The following PCNX2 variants were observed in gnomAD, a reference collection of about 807,000 sequenced individuals.
The protein encoded by PCNX2 is pecanex-like protein 2.
Under a neutral mutation model 223.8 loss-of-function variants are expected in PCNX2, and 168 were observed. The observed-to-expected ratio is 0.75, with a 90% CI of 0.66 to 0.85. PCNX2 has a LOEUF of 0.85. PCNX2 is among the 40% of genes least tolerant of loss of function. PCNX2 has a pLI of 0.00. For synonymous variants in PCNX2, 1,006 were observed against 1,052.6 expected (o/e 0.96, Z 0.86); for missense variants, 2,507 against 2,675.5 (o/e 0.94, Z 1.39).
chr1:233,043,266 A>G (rs1224592887), intron 25 of PCNX2, among the ~76,000 whole-genome samples: 1 of 152,126 alleles, frequency 6.6e-6, no homozygotes, highest in Non-Finnish European at 1.5e-5. Flanking sequence ...TCACTTTCCC[A>G]TCTTTCTGTA....
At chr1:233,091,707 T>C (rs2102941473) in intron 22 of PCNX2, among the ~76,000 whole-genome samples, 1 of 138,184 alleles carries the variant, frequency 7.2e-6, no homozygotes, top group Non-Finnish European at 1.5e-5. Context: ...CACTCCAGCC[T>C]GGGCAACAGA....
At chr1:233,268,319 T>G (rs11581907) in intron 1 of PCNX2, among the ~76,000 whole-genome samples, 13,547 of 152,250 alleles carry the variant, frequency 0.089, 723 homozygotes, top group South Asian at 0.17. Flanking sequence ...CTCCCATCTT[T>G]TGAATGGCCT....
chr1:233,064,798 A>C (rs1672530865), intron 23 of PCNX2, among the ~76,000 whole-genome samples: 1 of 152,160 alleles, frequency 6.6e-6, no homozygotes, highest in African/African-American at 2.4e-5. Flanking sequence ...GAGATTATCT[A>C]GTCTGCTACA....
chr1:233,019,403 G>C (rs1670796069), intron 26 of PCNX2, among the ~76,000 whole-genome samples: 1 of 152,118 alleles, frequency 6.6e-6, no homozygotes, highest in Non-Finnish European at 1.5e-5. Context: ...AAAGCCCTTC[G>C]ATATAAGGAG....
chr1:233,057,347 G>A (rs1162357317), intron 23 of PCNX2, 57 bp from the exon 24 acceptor site: 1 of 1,406,174 alleles, frequency 7.1e-7, no homozygotes, highest in Non-Finnish European at 1.0e-6. Context: ...AAGCAGAAGA[G>A]TTGGTTTATA....
At chr1:233,267,397 A>G (rs950725587) in intron 1 of PCNX2, among the ~76,000 whole-genome samples, 23 of 152,300 alleles carry the variant, frequency 1.5e-4, no homozygotes, top group African/African-American at 5.1e-4. Context: ...CATCGTAACC[A>G]TTTTAAAATG....
At chr1:232,995,136 T>C (rs955228154) in intron 32 of PCNX2, among the ~76,000 whole-genome samples, 1 of 152,214 alleles carries the variant, frequency 6.6e-6, no homozygotes, top group Non-Finnish European at 1.5e-5. Flanking sequence ...TATCAAATTT[T>C]ATCACCTGCA....
intron 21 of PCNX2, among the ~76,000 whole-genome samples, chr1:233,122,751 G>A (rs1264592646): frequency 6.6e-6 from 1 of 152,082 alleles, no homozygotes; most frequent in African/African-American, 2.4e-5. Context: ...TTGAACTCCT[G>A]ACCTCAGGTG....
chr1:233,290,930 G>C (rs1294327), intron 1 of PCNX2: 10 of 985,036 alleles, frequency 1.0e-5, no homozygotes, highest in Non-Finnish European at 1.1e-5. Context: ...AATGTTGCCC[G>C]GCATGGGGTC....
At chr1:233,177,991 G>T in intron 16 of PCNX2, 93 bp from the exon 17 acceptor site, 1 of 896,692 alleles carries the variant, frequency 1.1e-6, no homozygotes, top group Non-Finnish European at 1.7e-6. Context: ...ACCCACACAT[G>T]ACAAAAACAA....
intron 28 of PCNX2, among the ~76,000 whole-genome samples, chr1:233,008,397 C>G (rs1670357689): frequency 6.6e-6 from 1 of 152,212 alleles, no homozygotes; most frequent in Non-Finnish European, 1.5e-5. Flanking sequence ...GCCAGGAGCT[C>G]CAAACTGAAG....
chr1:233,075,021 A>AAAAAAG (rs1354670378), intron 23 of PCNX2, among the ~76,000 whole-genome samples: 1 of 152,190 alleles, frequency 6.6e-6, no homozygotes, highest in Non-Finnish European at 1.5e-5. Flanking sequence ...CAGCTTCTTT[A>AAAAAAG]AAAAAGAAAA....
intron 9 of PCNX2, among the ~76,000 whole-genome samples, chr1:233,232,143 C>G (rs1395890582): frequency 1.3e-5 from 2 of 152,170 alleles, no homozygotes; most frequent in Non-Finnish European, 2.9e-5. Context: ...CTATGTTTAG[C>G]AGCCAAAATT....
intron 9 of PCNX2, among the ~76,000 whole-genome samples, chr1:233,236,027 C>G (rs529183534): frequency 7.0e-5 from 10 of 142,152 alleles, no homozygotes; most frequent in Non-Finnish European, 1.2e-4. Context: ...CTAGAATGAA[C>G]TGAAACATTT....
chr1:233,208,037 C>T (rs1204148284), intron 13 of PCNX2, among the ~76,000 whole-genome samples: 1 of 152,036 alleles, frequency 6.6e-6, no homozygotes, highest in East Asian at 1.9e-4. Flanking sequence ...CTCACCGCAA[C>T]CTCTGCCTCC....
Position 233,293,245 on chromosome 1 carries a change from G to A in PCNX2, c.153+2081C>T, listed in dbSNP as rs374413050. On this transcript the variant is annotated intron_variant, in intron 1 of 33. Coordinates refer to ENST00000258229, the MANE Select transcript of PCNX2 (RefSeq NM_014801.4). ...CGAATGTGGTGGTTTCTGAGGAGTG[G>A]AATTATAGGTGGAAAATATATTGCT... Among the ~76,000 whole-genome samples the A allele has an allele frequency of 4.8e-3, 733 of 152,252 alleles. 5 individuals carry two copies. The highest frequency in any genetic ancestry group is 0.014 in the Middle Eastern group (4 of 294).
At chr1:233,156,303 T>C (rs1558290783) in intron 19 of PCNX2, among the ~76,000 whole-genome samples, 1 of 152,206 alleles carries the variant, frequency 6.6e-6, no homozygotes, top group African/African-American at 2.4e-5. Context: ...TTCTACCAAG[T>C]AGAAGTACAT....
At chr1:233,164,592 T>G (rs1304211046) in intron 17 of PCNX2, among the ~76,000 whole-genome samples, 1 of 151,314 alleles carries the variant, frequency 6.6e-6, no homozygotes, top group Non-Finnish European at 1.5e-5. Flanking sequence ...TTATATATGA[T>G]ACCATTTTTG....
At chr1:233,317,822 A>C in the PCNX2 span, among the ~76,000 whole-genome samples, 5 of 152,226 alleles carry the variant, frequency 3.3e-5, no homozygotes, top group Admixed American at 3.3e-4. Flanking sequence ...CCTCAAAACA[A>C]CACCACAGGG....
Sources: allele counts gnomAD v4.1 joint callset (sites outside exome capture counted in the v4.1 genomes callset), GRCh38; gene constraint gnomAD v4.1.1; transcripts MANE v1.5; gene names NCBI Gene and HGNC (gene_info 2026-07-23, HGNC 2026-07-21).